The following ZNRF1 variants were observed in gnomAD, a reference collection of about 807,000 sequenced individuals.
ZNRF1 encodes E3 ubiquitin-protein ligase ZNRF1.
A neutral mutation model predicts 18.4 loss-of-function variants in ZNRF1; 3 were observed. The ratio of observed to expected loss-of-function variants is 0.16; its 90% confidence interval spans 0.07 to 0.42. The LOEUF is 0.42. Among genes scored for constraint, ZNRF1 ranks in the 10% least tolerant of loss-of-function variants. ZNRF1 has a pLI of 0.99. For synonymous variants in ZNRF1, 157 were observed against 144.2 expected, an observed-to-expected ratio of 1.09 and a Z score of -0.64; for missense variants, 310 against 329.8, an observed-to-expected ratio of 0.94 and a Z score of 0.47.
chr16:75,063,321 C>A (rs1240708459), intron 1 of ZNRF1, among the ~76,000 whole-genome samples: 1 of 152,174 alleles, frequency 6.6e-6, no homozygotes, highest in Non-Finnish European at 1.5e-5. Flanking sequence ...AGCAGACCCT[C>A]TAGCCTCCCT....
rs1348207444 is a variant in ZNRF1 at position 75,000,096 on chromosome 16, G to A, written c.424+1G>A. 1 of 1,598,364 alleles carries A rather than the reference G, an allele frequency of 6.3e-7. No individual in the cohort carries two copies. The highest frequency in any genetic ancestry group is 1.3e-5 in the African/African-American group (1 of 74,862). Reference sequence around the variant, plus strand: ...CCCAGGTGGTTCAGCTCGCATAGTGGTGAGTCCGCGGGTGGTGGAGGCCTC... The same window carrying A: ...CCCAGGTGGTTCAGCTCGCATAGTGATGAGTCCGCGGGTGGTGGAGGCCTC... On this transcript the variant is annotated splice_donor_variant, in intron 1 of 4. Transcript: ENST00000335325. LOFTEE classifies it high-confidence loss of function.
chr16:75,003,374 G>C (rs1307749808), intron 1 of ZNRF1, among the ~76,000 whole-genome samples: 1 of 152,194 alleles, frequency 6.6e-6, no homozygotes, highest in Non-Finnish European at 1.5e-5. Context: ...CTTGATCTCT[G>C]TTGTGGGTCC....
chr16:75,089,552 A>G (rs1226204942), intron 1 of ZNRF1, among the ~76,000 whole-genome samples: 1 of 152,148 alleles, frequency 6.6e-6, no homozygotes. Flanking sequence ...ATTTCCCAAC[A>G]TGCCTCGTTC....
At chr16:75,048,755 T>C (rs1431066673) in intron 1 of ZNRF1, among the ~76,000 whole-genome samples, 1 of 152,194 alleles carries the variant, frequency 6.6e-6, no homozygotes, top group Non-Finnish European at 1.5e-5. Context: ...TGTCCGTGGC[T>C]TGGTTCGGGT....
chr16:75,052,400 CAA>C (rs201568468), intron 1 of ZNRF1, among the ~76,000 whole-genome samples: 35 of 116,724 alleles, frequency 3.0e-4, no homozygotes, highest in Non-Finnish European at 2.5e-4. Context: ...GACCCTGTCT[CAA>C]AAAAAAAAAA....
intron 1 of ZNRF1, among the ~76,000 whole-genome samples, chr16:75,045,008 T>A (rs2035497183): frequency 6.6e-6 from 1 of 152,188 alleles, no homozygotes; most frequent in South Asian, 2.1e-4. Context: ...TTGTGTTAGC[T>A]GCTGCCCCTG....
rs1000564390 is a variant in ZNRF1, at chr16:75,008,748, G to A, written c.424+8653G>A. On this transcript the variant is annotated intron_variant, in intron 1 of 4. Transcript: ENST00000335325. ...GAATCTTTGCTTCCTCACTCCTTAA[G>A]AGTCTGAATATTTTAGCTTCTGGGA... Among the ~76,000 whole-genome samples, 3 of 152,146 alleles carry A rather than the reference G, an allele frequency of 2.0e-5. No homozygotes were observed. The East Asian group carries it at 5.8e-4, about 29-fold the overall frequency.
intron 1 of ZNRF1, among the ~76,000 whole-genome samples, chr16:75,069,991 A>T (rs1268582147): frequency 6.6e-6 from 1 of 152,118 alleles, no homozygotes; most frequent in African/African-American, 2.4e-5. Context: ...TACACCCCTA[A>T]ATCTCTGACT....
chr16:75,012,015 C>T (rs1016287667), intron 1 of ZNRF1, among the ~76,000 whole-genome samples: 3 of 152,114 alleles, frequency 2.0e-5, no homozygotes, highest in South Asian at 4.1e-4. Context: ...ATAAAGCAGC[C>T]ACCACCCCTT....
intron 1 of ZNRF1, among the ~76,000 whole-genome samples, chr16:75,059,005 C>T (rs551718001): frequency 9.9e-5 from 15 of 152,182 alleles, no homozygotes; most frequent in Middle Eastern, 3.4e-3. Context: ...CCTTGATCCC[C>T]AGCTGTGTGA....
intron 2 of ZNRF1, among the ~76,000 whole-genome samples, chr16:75,102,419 A>T (rs2036264558): frequency 1.3e-5 from 2 of 152,098 alleles, no homozygotes; most frequent in Admixed American, 1.3e-4. Flanking sequence ...GAAGACACGC[A>T]CATGTGTTTG....
intron 1 of ZNRF1, among the ~76,000 whole-genome samples, chr16:75,034,923 A>T (rs921858780): frequency 6.6e-6 from 1 of 151,848 alleles, no homozygotes; most frequent in African/African-American, 2.4e-5. Flanking sequence ...CACTGCGTCC[A>T]GTTGGCTTTC....
At position 75,095,762 on chromosome 16, in the gene ZNRF1, C is replaced by T. The variant is rs759330991; in HGVS notation, c.520+2095C>T. The T allele has an allele frequency of 2.0e-6, 3 of 1,508,524 alleles. No individual in the cohort carries two copies. In the South Asian group the frequency reaches 3.7e-5, roughly 19 times the overall value. 93.4% of individuals were successfully genotyped at this position (1,508,524 alleles called of 1,614,324 possible). A position where few individuals can be genotyped will look rare whatever the true frequency, so the allele number is the denominator to read the frequency against. On this transcript the variant is annotated intron_variant, in intron 2 of 4. Coordinates refer to ENST00000335325, the MANE Select transcript of ZNRF1 (RefSeq NM_032268.5). ...GGAGAACCGGGAAGGTGAGGCTGTC[C>T]AGCTCCTCTGCCAGAGAACTGCCTG...
chr16:75,058,388 A>G (rs1007993384), intron 1 of ZNRF1, among the ~76,000 whole-genome samples: 1 of 152,174 alleles, frequency 6.6e-6, no homozygotes, highest in Non-Finnish European at 1.5e-5. Context: ...TTTGCTTGCA[A>G]GGAGCACTCT....
chr16:75,085,573 G>T lies in ZNRF1; in HGVS notation c.425-7999G>T, dbSNP rs2036062707. On this transcript the variant is annotated intron_variant, in intron 1 of 4. Transcript: ENST00000335325. ...AGATGAGAATTTGCTTGGGTCACAG[G>T]CTAGGTGTATGTTTGTTTTATAAGA... Among the ~76,000 whole-genome samples the T allele has an allele frequency of 2.6e-5, 4 of 152,118 alleles. 1 individual carries two copies. The South Asian group carries it at 8.3e-4, about 32-fold the overall frequency.
intron 1 of ZNRF1, among the ~76,000 whole-genome samples, chr16:75,092,705 T>C (rs2036153856): frequency 6.6e-6 from 1 of 152,212 alleles, no homozygotes; most frequent in Non-Finnish European, 1.5e-5. Flanking sequence ...ACTCTGGATG[T>C]GTAAGCAGTT....
intron 1 of ZNRF1, among the ~76,000 whole-genome samples, chr16:75,052,050 A>G (rs190963097): frequency 2.0e-5 from 3 of 152,220 alleles, no homozygotes; most frequent in Admixed American, 1.3e-4. Flanking sequence ...TTTTAAGTAC[A>G]TGTTCACTGG....
intron 1 of ZNRF1, among the ~76,000 whole-genome samples, chr16:75,086,635 A>G (rs948690393): frequency 1.3e-5 from 2 of 152,252 alleles, no homozygotes; most frequent in African/African-American, 2.4e-5. Context: ...TCTTTTATTC[A>G]TAATAAATCC....
chr16:75,089,831 G>A (rs971287233), intron 1 of ZNRF1, among the ~76,000 whole-genome samples: 17 of 152,114 alleles, frequency 1.1e-4, no homozygotes, highest in African/African-American at 3.6e-4. Flanking sequence ...TACCTTAGCT[G>A]TAACTCAACT....
Sources: gnomAD v4.1 joint callset for allele counts (sites outside exome capture counted in the v4.1 genomes callset) on GRCh38, gnomAD v4.1.1 for gene constraint, MANE v1.5 for transcripts, NCBI Gene and HGNC (gene_info 2026-07-23, HGNC 2026-07-21) for gene names.